The following NTNG1 variants were observed in gnomAD, a reference collection of about 807,000 sequenced individuals.
NTNG1 encodes netrin G1.
Under a neutral mutation model 54.0 loss-of-function variants are expected in NTNG1, and 16 were observed. The observed-to-expected ratio is 0.30, with a 90% CI of 0.20 to 0.45. NTNG1 has a LOEUF of 0.45. Ranked by LOEUF, NTNG1 falls within the 20% of genes least tolerant of loss-of-function variation. The pLI, the probability that NTNG1 is intolerant of heterozygous loss-of-function variation, is 1.00. For synonymous variants in NTNG1, 255 were observed against 263.1 expected, an observed-to-expected ratio of 0.97 and a Z score of 0.30; for missense variants, 530 against 678.7, an observed-to-expected ratio of 0.78 and a Z score of 2.43.
At chr1:107,378,368 G>A (rs531342386) in intron 3 of NTNG1, among the ~76,000 whole-genome samples, 3 of 152,152 alleles carry the variant, frequency 2.0e-5, no homozygotes, top group African/African-American at 7.2e-5. Context: ...GATTGCTTTC[G>A]GCAGGGAAAG....
Position 107,480,957 on chromosome 1 carries a change from C to A in NTNG1, c.*117C>A. 1.3e-6 allele frequency: 1 copy of A among 751,398 alleles called. No individual in the cohort carries two copies. The highest frequency in any genetic ancestry group is 2.2e-6 in the Non-Finnish European group (1 of 460,886). The allele number at this position is 751,398 out of a possible 1,614,324, so 46.5% of individuals were successfully genotyped here. ...CAGACACCCCCACTCAGACAGTGTA[C>A]AAACTAAGAAGGCCTAACTGAACTA... On this transcript the variant is annotated 3_prime_UTR_variant, in exon 8 of 8. Coordinates refer to ENST00000370068, the MANE Select transcript of NTNG1 (RefSeq NM_001113226.3).
At chr1:107,415,333 T>A (rs1207775486) in intron 5 of NTNG1, among the ~76,000 whole-genome samples, 1 of 152,104 alleles carries the variant, frequency 6.6e-6, no homozygotes, top group Non-Finnish European at 1.5e-5. Flanking sequence ...CACAAGGAAT[T>A]CTTAATCCAC....
chr1:107,467,905 A>G (rs1398808356), intron 7 of NTNG1, among the ~76,000 whole-genome samples: 3 of 152,218 alleles, frequency 2.0e-5, no homozygotes, highest in Non-Finnish European at 4.4e-5. Context: ...CATTTTGCAC[A>G]TTCTCGTGAT....
chr1:107,226,164 CA>C (rs373422663), intron 2 of NTNG1, among the ~76,000 whole-genome samples: 84 of 152,192 alleles, frequency 5.5e-4, no homozygotes, highest in African/African-American at 2.0e-3. Flanking sequence ...AATTGTGTAG[CA>C]AAAACAAATG....
At chr1:107,249,178 A>AATC in intron 2 of NTNG1, among the ~76,000 whole-genome samples, 1 of 149,660 alleles carries the variant, frequency 6.7e-6, no homozygotes, top group East Asian at 2.0e-4. Flanking sequence ...TAATAATAAT[A>AATC]ATAATTTAAA....
At chr1:107,396,094 A>G (rs17018865) in intron 4 of NTNG1, among the ~76,000 whole-genome samples, 2 of 152,184 alleles carry the variant, frequency 1.3e-5, no homozygotes, top group African/African-American at 4.8e-5. Flanking sequence ...AATTCCATGG[A>G]TGGACCAATT....
rs71098633 is a variant in NTNG1 at position 107,482,055 on chromosome 1, C to CAAAAAAAAAAAAAAAAAAAAAAA, written c.*1220_*1242dup. The CAAAAAAAAAAAAAAAAAAAAAAA allele has an allele frequency of 3.5e-5, 4 of 114,468 alleles. No individual in the cohort carries two copies. The highest frequency in any genetic ancestry group is 2.5e-4 in the East Asian group (1 of 3,970). The allele number at this position is 114,468 out of a possible 1,614,324, so 7.1% of individuals were successfully genotyped here. On this transcript the variant is annotated 3_prime_UTR_variant, in exon 8 of 8. Transcript: ENST00000370068. The stretch of plus-strand genomic sequence containing the variant: ...TTCCACTTGGGAAAAATTACAACAG[C>CAAAAAAAAAAAAAAAAAAAAAAA]AAAAAAAAAAAAAAAAAAAAAAAAA...
At chr1:107,304,947 T>A (rs1666585633) in intron 2 of NTNG1, among the ~76,000 whole-genome samples, 1 of 152,214 alleles carries the variant, frequency 6.6e-6, no homozygotes, top group South Asian at 2.1e-4. Context: ...CCATGTGTTC[T>A]CATTGTTCAG....
chr1:107,245,810 T>C (rs936651351), intron 2 of NTNG1, among the ~76,000 whole-genome samples: 6 of 152,164 alleles, frequency 3.9e-5, no homozygotes, highest in African/African-American at 1.4e-4. Flanking sequence ...AAGTCACTAT[T>C]TTCTCATCTA....
At chr1:107,474,962 T>C (rs1157170997) in intron 7 of NTNG1, among the ~76,000 whole-genome samples, 1 of 152,186 alleles carries the variant, frequency 6.6e-6, no homozygotes, top group African/African-American at 2.4e-5. Context: ...GAAATGACAG[T>C]GTAAATGCAG....
intron 2 of NTNG1, among the ~76,000 whole-genome samples, chr1:107,238,816 C>T (rs1661595570): frequency 6.6e-6 from 1 of 151,370 alleles, no homozygotes; most frequent in Non-Finnish European, 1.5e-5. Flanking sequence ...TGTAAATTGC[C>T]CACTCTCGGG....
chr1:107,323,922 A>G (rs1667797095), intron 2 of NTNG1, among the ~76,000 whole-genome samples: 1 of 152,086 alleles, frequency 6.6e-6, no homozygotes, highest in Non-Finnish European at 1.5e-5. Flanking sequence ...TCAGGCAGGG[A>G]GGAATTTCCC....
rs577444279 is a variant in NTNG1 at position 107,441,725 on chromosome 1, C to A, written c.1390+4926C>A. 2.3e-4 allele frequency among the ~76,000 whole-genome samples: 35 copies of A among 152,042 alleles called. No homozygotes were observed. The South Asian group carries it at 7.1e-3, about 31-fold the overall frequency. On this transcript the variant is annotated intron_variant, in intron 7 of 7. Coordinates refer to ENST00000370068, the MANE Select transcript of NTNG1 (RefSeq NM_001113226.3). The stretch of plus-strand genomic sequence containing the variant: ...CAGGATGTAGACATCTTTGAGAACA[C>A]ATTATATTGTGCTTATCATAATAAT...
At chr1:107,478,620 T>C (rs1349689362) in intron 7 of NTNG1, among the ~76,000 whole-genome samples, 1 of 152,198 alleles carries the variant, frequency 6.6e-6, no homozygotes, top group Non-Finnish European at 1.5e-5. Flanking sequence ...TCGATATTGA[T>C]GGAACAGATA....
intron 4 of NTNG1, among the ~76,000 whole-genome samples, chr1:107,400,918 GGGATTACA>G (rs1672991284): frequency 6.6e-6 from 1 of 152,168 alleles, no homozygotes; most frequent in South Asian, 2.1e-4. Context: ...CCAAAGTGCT[GGGATTACA>G]GGTGTGAGCC....
Position 107,357,024 on chromosome 1 carries a change from T to C in NTNG1, c.887+32102T>C, listed in dbSNP as rs532440089. Among the ~76,000 whole-genome samples, 6 of 152,264 alleles carry C rather than the reference T, an allele frequency of 3.9e-5. No homozygotes were observed. In the South Asian group the frequency reaches 1.2e-3, roughly 32 times the overall value. ...TCTCAAAAATAAAAGACCAATCTGA[T>C]GATGGGGAGAATTTTAACAAGTCTG... On this transcript the variant is annotated intron_variant, in intron 3 of 7. Transcript: ENST00000370068.
intron 3 of NTNG1, among the ~76,000 whole-genome samples, chr1:107,350,935 A>G (rs942427906): frequency 6.6e-6 from 1 of 152,174 alleles, no homozygotes; most frequent in Non-Finnish European, 1.5e-5. Context: ...CATGGTGACT[A>G]TAGTTAGTAA....
At chr1:107,418,873 C>T (rs1046033540) in intron 5 of NTNG1, among the ~76,000 whole-genome samples, 1 of 151,946 alleles carries the variant, frequency 6.6e-6, no homozygotes, top group African/African-American at 2.4e-5. Flanking sequence ...TACCAGATTA[C>T]ATTGAAGGTC....
At chr1:107,346,969 G>A (rs1028909478) in intron 3 of NTNG1, among the ~76,000 whole-genome samples, 7 of 151,050 alleles carry the variant, frequency 4.6e-5, no homozygotes, top group Non-Finnish European at 8.8e-5. Context: ...GGCAGAAGCA[G>A]CTACAGCATG....
Sources: allele counts gnomAD v4.1 joint callset (sites outside exome capture counted in the v4.1 genomes callset), GRCh38; gene constraint gnomAD v4.1.1; transcripts MANE v1.5; gene names NCBI Gene and HGNC (gene_info 2026-07-23, HGNC 2026-07-21).